Variants in TSPEAR observed in about 807,000 individuals in gnomAD.
TSPEAR encodes the protein thrombospondin type laminin G domain and EAR repeats, also known as thrombospondin-type laminin G domain and EAR repeat-containing protein.
TSPEAR carries 69 observed loss-of-function variants against 71.6 expected under a neutral mutation model. The observed-to-expected ratio is 0.96, with a 90% CI of 0.79 to 1.18. The LOEUF (loss-of-function observed/expected upper bound fraction) is 1.18, where lower values mean the gene tolerates loss of function less well. TSPEAR is among the 50% of genes most tolerant of loss of function. The probability of loss-of-function intolerance (pLI) is 0.00; values close to 1 mark genes in which losing one functional copy is unlikely to be tolerated. For missense variants in TSPEAR, 971 were observed against 894.9 expected, an observed-to-expected ratio of 1.09 and a Z score of -1.09; for synonymous variants, 402 against 387.2, an observed-to-expected ratio of 1.04 and a Z score of -0.45.
chr21:44,701,300 A>G (rs572943410), intron 1 of TSPEAR, among the ~76,000 whole-genome samples: 1 of 152,242 alleles, frequency 6.6e-6, no homozygotes, highest in Non-Finnish European at 1.5e-5. Context: ...GAAACGATAT[A>G]TTCTTGCTGA....
chr21:44,667,882 C>T (rs587606095), intron 1 of TSPEAR, among the ~76,000 whole-genome samples: 2 of 152,304 alleles, frequency 1.3e-5, no homozygotes, highest in East Asian at 3.9e-4. Flanking sequence ...ATGATGACAA[C>T]AATCAACAAA....
rs566936111 is a variant in TSPEAR at position 44,694,066 on chromosome 21, C to T, written c.82+17367G>A. ...CAAAAAGCAATCAAATCTAAGAGTCCGGAAATAAAGCTATTCATTCATGGT... is the reference window on the plus strand; with the variant it reads ...CAAAAAGCAATCAAATCTAAGAGTCTGGAAATAAAGCTATTCATTCATGGT... On this transcript the variant is annotated intron_variant, in intron 1 of 11. Coordinates refer to ENST00000323084, the MANE Select transcript of TSPEAR (RefSeq NM_144991.3). Among the ~76,000 whole-genome samples the T allele has an allele frequency of 1.5e-4, 23 of 152,238 alleles. 1 individual carries two copies. The highest frequency in any genetic ancestry group is 1.9e-4 in the East Asian group (1 of 5,186).
In TSPEAR at chr21:44,643,726, TA is replaced by T. The variant is rs1211155282; in HGVS notation, c.82+67706del. On this transcript the variant is annotated intron_variant, in intron 1 of 11. Transcript: ENST00000323084. Reference sequence around the variant, plus strand: ...ACATTCACACACATACACACACACATACACAAACAAACTCACTCCTTCCTTA... The same window carrying T: ...ACATTCACACACATACACACACACATCACAAACAAACTCACTCCTTCCTTA... Among the ~76,000 whole-genome samples, 6 of 152,048 alleles carry T rather than the reference TA, an allele frequency of 3.9e-5. No individual in the cohort carries two copies. In the East Asian group the frequency reaches 7.7e-4, roughly 20 times the overall value.
Position 44,528,312 on chromosome 21 carries a change from T to A in TSPEAR, c.922+140A>T. On this transcript the variant is annotated intron_variant, in intron 6 of 11. Coordinates refer to ENST00000323084, the MANE Select transcript of TSPEAR (RefSeq NM_144991.3). Reference sequence around the variant, plus strand: ...TCAGGACTGATGCTGCCTCTCACTCTTAGAAGTGCCCCAGCCTGACGGCCA... The same window carrying A: ...TCAGGACTGATGCTGCCTCTCACTCATAGAAGTGCCCCAGCCTGACGGCCA... 6.5e-6 allele frequency: 8 copies of A among 1,236,408 alleles called. No individual in the cohort carries two copies. In the South Asian group the frequency reaches 1.0e-4, roughly 16 times the overall value. The allele number at this position is 1,236,408 out of a possible 1,614,324, so 76.6% of individuals were successfully genotyped here.
At chr21:44,680,303 T>C (rs1601558679) in intron 1 of TSPEAR, among the ~76,000 whole-genome samples, 1 of 152,138 alleles carries the variant, frequency 6.6e-6, no homozygotes, top group African/African-American at 2.4e-5. Context: ...TCAACATCAC[T>C]AATCATCAGG....
chr21:44,521,819 C>A (rs1196501345), intron 9 of TSPEAR, 64 bp downstream of exon 9: 20 of 1,451,066 alleles, frequency 1.4e-5, no homozygotes, highest in Non-Finnish European at 1.8e-5. Context: ...ACCTGTCCAG[C>A]AGGTGCAGGT....
chr21:44,652,174 G>T (rs1030684648), intron 1 of TSPEAR, among the ~76,000 whole-genome samples: 11 of 151,952 alleles, frequency 7.2e-5, no homozygotes, highest in Non-Finnish European at 1.3e-4. Context: ...TAGTAGAGAC[G>T]GGGTTTCACT....
rs1569175392 is a variant in TSPEAR, at chr21:44,540,965, T to C, written c.304-7042A>G. On this transcript the variant is annotated intron_variant, in intron 2 of 11. Transcript: ENST00000323084. ...TAGATAACTCAAGTCCCGTTATCAATATTCTTAAATTTATTTTTTTTTTTT... is the reference window on the plus strand; with the variant it reads ...TAGATAACTCAAGTCCCGTTATCAACATTCTTAAATTTATTTTTTTTTTTT... Among the ~76,000 whole-genome samples, 8 of 152,128 alleles carry C rather than the reference T, an allele frequency of 5.3e-5. No homozygotes were observed. The South Asian group carries it at 1.7e-3, about 31-fold the overall frequency.
chr21:44,573,097 A>G (rs1171266438), intron 1 of TSPEAR, among the ~76,000 whole-genome samples: 1 of 152,144 alleles, frequency 6.6e-6, no homozygotes, highest in Non-Finnish European at 1.5e-5. Flanking sequence ...CTGTTGTGTG[A>G]CCAGCCAGTT....
intron 1 of TSPEAR, among the ~76,000 whole-genome samples, chr21:44,659,307 C>A (rs868949007): frequency 6.3e-5 from 1 of 15,922 alleles, no homozygotes; most frequent in Non-Finnish European, 1.0e-4. Context: ...TGATGATACA[C>A]CCTAAGCACA....
intron 1 of TSPEAR, chr21:44,666,705 TGGCAGCTCACG>T: frequency 6.2e-7 from 1 of 1,613,712 alleles, no homozygotes; most frequent in Non-Finnish European, 8.5e-7. Flanking sequence ...CACAGAAGAC[TGGCAGCTCACG>T]GGCAGGCACA....
At chr21:44,574,484 G>A (rs370413196) in intron 1 of TSPEAR, 10 of 1,590,242 alleles carry the variant, frequency 6.3e-6, no homozygotes, top group Non-Finnish European at 8.5e-6. Context: ...GCAAGCCTGT[G>A]TGCTCTGAGG....
At chr21:44,557,532 G>A (rs587717300) in intron 2 of TSPEAR, among the ~76,000 whole-genome samples, 1 of 152,288 alleles carries the variant, frequency 6.6e-6, no homozygotes, top group South Asian at 2.1e-4. Flanking sequence ...AGAGGGGGAG[G>A]AGCTGAGCCC....
intron 1 of TSPEAR, among the ~76,000 whole-genome samples, chr21:44,685,728 T>C (rs1555948845): frequency 6.6e-6 from 1 of 152,216 alleles, no homozygotes; most frequent in Non-Finnish European, 1.5e-5. Context: ...TATTGAACCC[T>C]CTACCCCCGG....
At chr21:44,694,814 C>G (rs371851719) in intron 1 of TSPEAR, among the ~76,000 whole-genome samples, 3 of 152,080 alleles carry the variant, frequency 2.0e-5, no homozygotes, top group Admixed American at 2.0e-4. Flanking sequence ...TCGAGTAGCT[C>G]GTGGAGGAAG....
rs781929207 is a variant in TSPEAR, at chr21:44,600,716, G to C, written c.83-32711C>G. 5.0e-6 allele frequency: 8 copies of C among 1,612,986 alleles called. No individual in the cohort carries two copies. In the East Asian group the frequency reaches 1.8e-4, roughly 36 times the overall value. ...TCCTGTGACTCTTGCTCCGACTCCT[G>C]GCAGGTGGACGACTGCCCAGAGAGC... On this transcript the variant is annotated intron_variant, in intron 1 of 11. Transcript: ENST00000323084.
At chr21:44,586,288 G>A (rs931395651) in intron 1 of TSPEAR, among the ~76,000 whole-genome samples, 28 of 152,188 alleles carry the variant, frequency 1.8e-4, no homozygotes, top group African/African-American at 6.5e-4. Flanking sequence ...TTACAGTCAA[G>A]AAAACCCGAT....
intron 11 of TSPEAR, among the ~76,000 whole-genome samples, chr21:44,502,520 A>G (rs184371166): frequency 6.6e-6 from 1 of 152,380 alleles, no homozygotes; most frequent in African/African-American, 2.4e-5. Flanking sequence ...CGATACTTGG[A>G]AAACTCCTGG....
At chr21:44,649,037 C>T (rs147104969) in intron 1 of TSPEAR, among the ~76,000 whole-genome samples, 1,796 of 152,320 alleles carry the variant, frequency 0.012, 36 homozygotes, top group African/African-American at 0.04. Flanking sequence ...AGATGCGGGA[C>T]CCACTGAGTC....
Sources: allele counts gnomAD v4.1 joint callset (sites outside exome capture counted in the v4.1 genomes callset), GRCh38; gene constraint gnomAD v4.1.1; transcripts MANE v1.5; gene names NCBI Gene and HGNC (gene_info 2026-07-23, HGNC 2026-07-21).